EIF3CL: variants seen among roughly 807,000 people sequenced by gnomAD.
EIF3CL encodes eukaryotic translation initiation factor 3 subunit C like.
For synonymous variants in EIF3CL, 2 were observed against 19.6 expected, an observed-to-expected ratio of 0.10 and a Z score of 2.37; for missense variants, 5 against 56.1, an observed-to-expected ratio of 0.09 and a Z score of 2.91.
At chr16:28,416,952 G>GC in the EIF3CL span, among the ~76,000 whole-genome samples, 7 of 87,666 alleles carry the variant, frequency 8.0e-5, no homozygotes, top group Non-Finnish European at 1.4e-4. Flanking sequence ...CTGCCCGGCC[G>GC]CCCCTACTGG....
chr16:28,419,029 CAG>C, the EIF3CL span, among the ~76,000 whole-genome samples: 2 of 144,694 alleles, frequency 1.4e-5, no homozygotes, highest in Non-Finnish European at 3.1e-5. Context: ...TTCTTTGAGA[CAG>C]AGTCTCCCTC....
the EIF3CL span, among the ~76,000 whole-genome samples, chr16:28,417,255 G>A: frequency 7.5e-3 from 1,118 of 149,460 alleles, 8 homozygotes; most frequent in Middle Eastern, 0.014. Context: ...GCCTCTGCCC[G>A]GCCGCCCCTA....
chr16:28,417,371 GAA>G, the EIF3CL span, among the ~76,000 whole-genome samples: 1 of 135,984 alleles, frequency 7.4e-6, no homozygotes, highest in African/African-American at 2.7e-5. Flanking sequence ...TTGTGGAATA[GAA>G]AGGCGGGAAA....
chr16:28,417,203 C>T, the EIF3CL span, among the ~76,000 whole-genome samples: 29 of 147,696 alleles, frequency 2.0e-4, 1 homozygote, highest in Admixed American at 1.9e-3. Context: ...GGGGGGTCAG[C>T]CCCCCTGCCC....
chr16:28,417,751 T>C, the EIF3CL span, among the ~76,000 whole-genome samples: 1 of 129,048 alleles, frequency 7.7e-6, no homozygotes, highest in Non-Finnish European at 1.7e-5. Context: ...TGACCTTCCC[T>C]CCACTATTGT....
the EIF3CL span, among the ~76,000 whole-genome samples, chr16:28,417,872 C>CAA: frequency 0.013 from 1,399 of 109,546 alleles, 13 homozygotes; most frequent in African/African-American, 0.042. Flanking sequence ...TTTAGGAATG[C>CAA]AAAAAAAAAA....
chr16:28,392,874 CA>C (rs2045644138), intron 8 of EIF3CL, among the ~76,000 whole-genome samples: 1 of 150,464 alleles, frequency 6.6e-6, no homozygotes, highest in African/African-American at 2.4e-5. Flanking sequence ...ATGTTCATTA[CA>C]AAAAAGGTCC....
At chr16:28,419,349 T>C in the EIF3CL span, among the ~76,000 whole-genome samples, 1 of 150,534 alleles carries the variant, frequency 6.6e-6, no homozygotes. Flanking sequence ...TACAGGGACT[T>C]TCCCTTAGCC....
chr16:28,385,497 T>C (rs2045596573), intron 15 of EIF3CL, among the ~76,000 whole-genome samples: 1 of 108,854 alleles, frequency 9.2e-6, no homozygotes, highest in Non-Finnish European at 2.0e-5. Flanking sequence ...CCTGACTAGT[T>C]TCTGTATTTT....
the EIF3CL span, among the ~76,000 whole-genome samples, chr16:28,418,060 A>G: frequency 6.6e-6 from 1 of 150,718 alleles, no homozygotes; most frequent in Non-Finnish European, 1.5e-5. Context: ...AAAAAAAAAG[A>G]TAGTAGTGTG....
At chr16:28,418,961 C>G in the EIF3CL span, among the ~76,000 whole-genome samples, 7,977 of 120,456 alleles carry the variant, frequency 0.066, 76 homozygotes, top group Non-Finnish European at 0.09. Context: ...GCACTAGTCT[C>G]TGCGACTCTC....
At chr16:28,412,821 CT>C in the EIF3CL span, among the ~76,000 whole-genome samples, 1 of 145,656 alleles carries the variant, frequency 6.9e-6, no homozygotes, top group Non-Finnish European at 1.5e-5. Flanking sequence ...GTTCTGGAGG[CT>C]GGGAAGTCCA....
At chr16:28,417,345 G>A in the EIF3CL span, among the ~76,000 whole-genome samples, 1 of 143,906 alleles carries the variant, frequency 6.9e-6, no homozygotes, top group African/African-American at 2.6e-5. Context: ...AACGGGCCAG[G>A]ATGACAATGG....
the EIF3CL span, among the ~76,000 whole-genome samples, chr16:28,417,012 TG>T: frequency 2.6e-3 from 101 of 38,632 alleles, 3 homozygotes; most frequent in East Asian, 0.022. Context: ...GGGAGGGAGG[TG>T]GGGGGGGTCA....
chr16:28,417,912 G>A, the EIF3CL span, among the ~76,000 whole-genome samples: 18 of 133,122 alleles, frequency 1.4e-4, no homozygotes, highest in South Asian at 2.4e-4. Context: ...GCGTGGTGGC[G>A]CATGCCTGTA....
intron 15 of EIF3CL, among the ~76,000 whole-genome samples, chr16:28,386,840 T>TAC (rs2045606766): frequency 2.3e-5 from 1 of 42,580 alleles, no homozygotes; most frequent in Admixed American, 3.2e-4. Context: ...CCCTAAAAGA[T>TAC]ACACACACAC....
the EIF3CL span, among the ~76,000 whole-genome samples, chr16:28,418,704 A>G: frequency 6.6e-6 from 1 of 151,664 alleles, no homozygotes; most frequent in Non-Finnish European, 1.5e-5. Context: ...ATCTCAGCTC[A>G]CTGAAGCCTC....
the EIF3CL span, among the ~76,000 whole-genome samples, chr16:28,417,258 C>T: frequency 6.7e-6 from 1 of 149,678 alleles, no homozygotes; most frequent in African/African-American, 2.5e-5. Context: ...TCTGCCCGGC[C>T]GCCCCTACTG....
chr16:28,414,692 G>A, the EIF3CL span: 4 of 357,496 alleles, frequency 1.1e-5, 1 homozygote, highest in Non-Finnish European at 2.2e-5. Flanking sequence ...AGCCTGTGTG[G>A]GGCTGCGCCA....
Sources: gnomAD v4.1 joint callset for allele counts (sites outside exome capture counted in the v4.1 genomes callset) on GRCh38, gnomAD v4.1.1 for gene constraint, MANE v1.5 for transcripts, NCBI Gene and HGNC (gene_info 2026-07-23, HGNC 2026-07-21) for gene names.